The following CHRNA5 variants were observed in gnomAD, a reference collection of about 807,000 sequenced individuals.
CHRNA5 encodes the protein cholinergic receptor nicotinic alpha 5 subunit, also known as neuronal acetylcholine receptor subunit alpha-5.
CHRNA5 carries 28 observed loss-of-function variants against 41.2 expected under a neutral mutation model. The ratio of observed to expected loss-of-function variants is 0.68; its 90% CI spans 0.50 to 0.93. The LOEUF (loss-of-function observed/expected upper bound fraction) is 0.93, where lower values mean the gene tolerates loss of function less well. CHRNA5 is among the 40% of genes least tolerant of loss of function. The probability of loss-of-function intolerance (pLI) is 0.00; values close to 1 mark genes in which losing one functional copy is unlikely to be tolerated. For missense variants in CHRNA5, 481 were observed against 581.9 expected, an observed-to-expected ratio of 0.83 and a Z score of 1.78; for synonymous variants, 188 against 205.8, an observed-to-expected ratio of 0.91 and a Z score of 0.74.
At chr15:78,583,495 C>T (rs2052931522) in intron 2 of CHRNA5, among the ~76,000 whole-genome samples, 2 of 152,046 alleles carry the variant, frequency 1.3e-5, no homozygotes, top group South Asian at 4.1e-4. Flanking sequence ...AGATTGAGAC[C>T]ATCCTGGCTA....
At chr15:78,589,667 A>G (rs2052992004) in intron 4 of CHRNA5, 138 bp from the exon 5 acceptor site, 1 of 674,732 alleles carries the variant, frequency 1.5e-6, no homozygotes, top group Non-Finnish European at 2.5e-6. Flanking sequence ...TAGCACGTAT[A>G]TCTTATCTGA....
chr15:78,565,873 A>G, intron 1 of CHRNA5, 48 bp downstream of exon 1: 7 of 1,120,972 alleles, frequency 6.2e-6, no homozygotes, highest in Non-Finnish European at 6.7e-6. Flanking sequence ...CCCGGACTCC[A>G]CATCGCGGTG....
chr15:78,566,931 C>T (rs1481301516), intron 1 of CHRNA5, among the ~76,000 whole-genome samples: 1 of 152,164 alleles, frequency 6.6e-6, no homozygotes, highest in African/African-American at 2.4e-5. Context: ...CCTGACTGGA[C>T]GAACTTCTCT....
chr15:78,568,877 A>G (rs2052773585), intron 1 of CHRNA5, among the ~76,000 whole-genome samples: 1 of 152,158 alleles, frequency 6.6e-6, no homozygotes, highest in South Asian at 2.1e-4. Context: ...TTTAATTACT[A>G]TATGTAGTGG....
intron 2 of CHRNA5, among the ~76,000 whole-genome samples, chr15:78,581,435 C>A (rs1355662543): frequency 1.3e-5 from 2 of 152,130 alleles, no homozygotes; most frequent in African/African-American, 2.4e-5. Context: ...AGAATAAGTT[C>A]CCTTGATAAA....
intron 1 of CHRNA5, among the ~76,000 whole-genome samples, chr15:78,573,354 C>T (rs560509826): frequency 1.1e-4 from 17 of 152,302 alleles, no homozygotes; most frequent in Admixed American, 2.0e-4. Flanking sequence ...GCGCCATTCT[C>T]ACTGTGGGGT....
chr15:78,570,424 ATTTTTT>A (rs71148540), intron 1 of CHRNA5, among the ~76,000 whole-genome samples: 716 of 64,182 alleles, frequency 0.011, 27 homozygotes, highest in African/African-American at 0.045. Flanking sequence ...AATCCCGGCT[ATTTTTT>A]TTTTTTTTTT....
chr15:78,575,756 T>A (rs1447253684), intron 1 of CHRNA5, among the ~76,000 whole-genome samples: 1 of 152,222 alleles, frequency 6.6e-6, no homozygotes, highest in East Asian at 1.9e-4. Context: ...GGAGGTACTT[T>A]TTTAATACCT....
At chr15:78,571,123 C>T (rs1168308442) in intron 1 of CHRNA5, among the ~76,000 whole-genome samples, 1 of 152,196 alleles carries the variant, frequency 6.6e-6, no homozygotes, top group African/African-American at 2.4e-5. Flanking sequence ...AACAAGCTCC[C>T]AGGTGATGTG....
At chr15:78,586,360 A>G (rs944640241) in intron 2 of CHRNA5, among the ~76,000 whole-genome samples, 7 of 152,230 alleles carry the variant, frequency 4.6e-5, no homozygotes, top group African/African-American at 1.4e-4. Context: ...CTTAGACTGC[A>G]TCTTAAATAT....
intron 1 of CHRNA5, among the ~76,000 whole-genome samples, chr15:78,573,195 G>A (rs2052822541): frequency 6.6e-6 from 1 of 152,118 alleles, no homozygotes; most frequent in Non-Finnish European, 1.5e-5. Context: ...CAGGGATGCC[G>A]CTAAACATAC....
intron 5 of CHRNA5, among the ~76,000 whole-genome samples, chr15:78,592,090 GAGGC>G (rs1567064325): frequency 6.6e-6 from 1 of 152,190 alleles, no homozygotes; most frequent in Admixed American, 6.5e-5. Context: ...TTGGGAGGCT[GAGGC>G]AGGTGGATCA....
intron 4 of CHRNA5, 72 bp from the exon 5 acceptor site, chr15:78,589,733 T>G (rs973093850): frequency 1.4e-5 from 17 of 1,192,632 alleles, no homozygotes; most frequent in Admixed American, 5.0e-5. Context: ...GCTTTTATAT[T>G]AGGCTTATAT....
At chr15:78,570,265 A>G (rs140818756) in intron 1 of CHRNA5, among the ~76,000 whole-genome samples, 1,717 of 150,712 alleles carry the variant, frequency 0.011, 30 homozygotes, top group African/African-American at 0.038. Flanking sequence ...TTATTTATTT[A>G]TTATTTTTAT....
At chr15:78,565,646 A>G in exon 1 of CHRNA5, 1 of 422,722 alleles carries the variant, frequency 2.4e-6, no homozygotes, top group Non-Finnish European at 3.4e-6. Flanking sequence ...TCAGTGCTCC[A>G]TTCCCCAAGA....
chr15:78,575,097 A>G (rs1434571607), intron 1 of CHRNA5, among the ~76,000 whole-genome samples: 2 of 152,082 alleles, frequency 1.3e-5, no homozygotes, highest in Non-Finnish European at 2.9e-5. Context: ...TTTCCTTTTC[A>G]CCATACTAAA....
chr15:78,567,624 A>G (rs561308337), intron 1 of CHRNA5, among the ~76,000 whole-genome samples: 1 of 152,228 alleles, frequency 6.6e-6, no homozygotes, highest in South Asian at 2.1e-4. Flanking sequence ...TAAGCTCCTT[A>G]AGAACTGTGA....
chr15:78,569,784 C>G (rs1453591833), intron 1 of CHRNA5, among the ~76,000 whole-genome samples: 1 of 151,296 alleles, frequency 6.6e-6, no homozygotes, highest in East Asian at 1.9e-4. Context: ...ACATCTGTTC[C>G]ACAGAACAGC....
intron 1 of CHRNA5, among the ~76,000 whole-genome samples, chr15:78,578,040 C>A (rs533853184): frequency 1.3e-5 from 2 of 152,084 alleles, no homozygotes; most frequent in African/African-American, 4.8e-5. Context: ...TTCAATAATG[C>A]TATTTTAACT....
Sources: gnomAD v4.1 joint callset for allele counts (sites outside exome capture counted in the v4.1 genomes callset) on GRCh38, gnomAD v4.1.1 for gene constraint, MANE v1.5 for transcripts, NCBI Gene and HGNC (gene_info 2026-07-23, HGNC 2026-07-21) for gene names.